Variants in OPCML observed in about 807,000 individuals in gnomAD.
OPCML encodes the protein opioid binding protein/cell adhesion molecule like, also known as opioid-binding protein/cell adhesion molecule.
Under a neutral mutation model 37.8 loss-of-function variants are expected in OPCML, and 13 were observed. That is an observed-to-expected ratio of 0.34 (90% CI 0.22 to 0.55). OPCML has a LOEUF of 0.55. Ranked by LOEUF, OPCML falls within the 20% of genes least tolerant of loss-of-function variation. OPCML has a pLI of 0.91. For synonymous variants in OPCML, 176 were observed against 168.8 expected (o/e 1.04, Z -0.33); for missense variants, 341 against 435.6 (o/e 0.78, Z 1.93).
chr11:132,429,126 A>G (rs1365796974), intron 7 of OPCML, among the ~76,000 whole-genome samples: 4 of 152,094 alleles, frequency 2.6e-5, no homozygotes, highest in South Asian at 4.2e-4. Flanking sequence ...CAGGGGGCCC[A>G]GCCTGGTGGA....
At chr11:132,893,835 C>T (rs1488537850) in intron 2 of OPCML, among the ~76,000 whole-genome samples, 2 of 152,222 alleles carry the variant, frequency 1.3e-5, no homozygotes, top group African/African-American at 4.8e-5. Flanking sequence ...ATCTCGTCTC[C>T]TGGCTTCCAA....
intron 2 of OPCML, among the ~76,000 whole-genome samples, chr11:132,769,095 C>T (rs1182037414): frequency 2.3e-5 from 3 of 129,610 alleles, no homozygotes; most frequent in African/African-American, 9.1e-5. Context: ...GGTTTGAGGT[C>T]GCTGATGCAC....
At chr11:132,765,833 C>T (rs1282963181) in intron 2 of OPCML, among the ~76,000 whole-genome samples, 1 of 152,138 alleles carries the variant, frequency 6.6e-6, no homozygotes. Flanking sequence ...TAAATACCAT[C>T]CACTACTCAA....
chr11:132,735,713 G>A (rs1385431579), intron 2 of OPCML, among the ~76,000 whole-genome samples: 1 of 152,142 alleles, frequency 6.6e-6, no homozygotes, highest in East Asian at 1.9e-4. Flanking sequence ...TCGATCTCCT[G>A]ACCTTGTGAT....
chr11:133,287,150 T>C lies in OPCML; in HGVS notation c.61+245114A>G, dbSNP rs186188759. Among the ~76,000 whole-genome samples the C allele has an allele frequency of 9.2e-5, 14 of 152,204 alleles. 1 individual carries two copies. In the East Asian group the frequency reaches 9.7e-4, roughly 10 times the overall value. On this transcript the variant is annotated intron_variant, in intron 1 of 7. Transcript: ENST00000524381. ...ATGGCTCATTTTTTTGCCATACATA[T>C]AATTTTAAGTGTTCTAGAGGTCACA...
At chr11:133,031,578 G>A (rs897673663) in intron 1 of OPCML, among the ~76,000 whole-genome samples, 4 of 151,252 alleles carry the variant, frequency 2.6e-5, no homozygotes, top group African/African-American at 4.9e-5. Flanking sequence ...GGGTAGATGG[G>A]TGAATGGATG....
intron 2 of OPCML, among the ~76,000 whole-genome samples, chr11:132,878,910 C>T (rs1489737644): frequency 1.3e-5 from 2 of 152,168 alleles, no homozygotes; most frequent in African/African-American, 2.4e-5. Context: ...GCGTTGAGTA[C>T]TTCGTATTTC....
chr11:133,042,126 C>T (rs1591943126), intron 1 of OPCML, among the ~76,000 whole-genome samples: 2 of 152,158 alleles, frequency 1.3e-5, no homozygotes, highest in Non-Finnish European at 2.9e-5. Flanking sequence ...GACACGGAAA[C>T]GCAATGAGGC....
chr11:132,733,464 C>A (rs968811757), intron 2 of OPCML, among the ~76,000 whole-genome samples: 1 of 152,054 alleles, frequency 6.6e-6, no homozygotes, highest in African/African-American at 2.4e-5. Flanking sequence ...ATTAGAAGAT[C>A]ATTCTACTTG....
intron 3 of OPCML, among the ~76,000 whole-genome samples, chr11:132,587,588 C>A (rs545513579): frequency 6.6e-6 from 1 of 152,178 alleles, no homozygotes; most frequent in Non-Finnish European, 1.5e-5. Context: ...TCTATTCATG[C>A]GTGAGCCTGA....
intron 2 of OPCML, among the ~76,000 whole-genome samples, chr11:132,875,132 T>TA (rs1942961076): frequency 6.6e-6 from 1 of 152,206 alleles, no homozygotes; most frequent in Admixed American, 6.5e-5. Context: ...AACCATTTTT[T>TA]AAAAAATGAA....
intron 2 of OPCML, among the ~76,000 whole-genome samples, chr11:132,899,015 A>G (rs1000512417): frequency 1.3e-5 from 2 of 152,134 alleles, no homozygotes; most frequent in African/African-American, 2.4e-5. Context: ...GTCTCTTAGT[A>G]TTACCATGCC....
At chr11:133,009,544 A>G (rs780808965) in intron 1 of OPCML, among the ~76,000 whole-genome samples, 12 of 152,312 alleles carry the variant, frequency 7.9e-5, no homozygotes, top group Non-Finnish European at 1.6e-4. Flanking sequence ...TCTATACTCT[A>G]CAAGTTGGAC....
chr11:132,926,254 G>C (rs1434571529), intron 2 of OPCML, among the ~76,000 whole-genome samples: 3 of 152,142 alleles, frequency 2.0e-5, no homozygotes, highest in African/African-American at 7.2e-5. Flanking sequence ...TAACTCTAAA[G>C]ATGTCAGAGG....
chr11:133,148,214 G>A (rs749113414), intron 1 of OPCML, among the ~76,000 whole-genome samples: 2 of 152,130 alleles, frequency 1.3e-5, no homozygotes, highest in African/African-American at 4.8e-5. Context: ...TGCTCCTCAC[G>A]AGGTAGCCTC....
At chr11:132,426,113 A>G (rs995184222) in intron 7 of OPCML, among the ~76,000 whole-genome samples, 6 of 152,226 alleles carry the variant, frequency 3.9e-5, no homozygotes, top group African/African-American at 1.4e-4. Flanking sequence ...TGAAGATGCA[A>G]AGCCACAAAA....
Position 133,422,377 on chromosome 11 carries a change from T to TTTTATA in OPCML, c.61+109886_61+109887insTATAAA, listed in dbSNP as rs1555156350. On this transcript the variant is annotated intron_variant, in intron 1 of 7. Transcript: ENST00000524381. ...CATTTTTTCTCTCAGACCAAAGACA[T>TTTTATA]TATATATATATATATATGTATATAT... is the stretch of plus-strand genomic sequence containing the variant. The TTTTATA allele has an allele frequency of 1.2e-4, 103 of 837,202 alleles. 9 individuals carry two copies. In the African/African-American group the frequency reaches 2.5e-3, roughly 21 times the overall value. The allele number at this position is 837,202 out of a possible 1,614,324, so 51.9% of individuals were successfully genotyped here.
chr11:133,421,524 C>A, intron 1 of OPCML: 4 of 985,414 alleles, frequency 4.1e-6, no homozygotes, highest in South Asian at 4.7e-5. Context: ...CGGATTTGAA[C>A]AAATTGTTGC....
chr11:133,289,594 C>CAAAAAAAAAAAAAAAAAAAAAA (rs1229577687), intron 1 of OPCML, among the ~76,000 whole-genome samples: 1 of 52,304 alleles, frequency 1.9e-5, no homozygotes, highest in African/African-American at 7.5e-5. Context: ...GACTCCATCT[C>CAAAAAAAAAAAAAAAAAAAAAA]AAAAAAAAAA....
Sources: gnomAD v4.1 joint callset for allele counts (sites outside exome capture counted in the v4.1 genomes callset) on GRCh38, gnomAD v4.1.1 for gene constraint, MANE v1.5 for transcripts, NCBI Gene and HGNC (gene_info 2026-07-23, HGNC 2026-07-21) for gene names.